PTPRD: variants seen among roughly 807,000 people sequenced by gnomAD.
PTPRD encodes receptor-type tyrosine-protein phosphatase delta.
PTPRD carries 34 observed loss-of-function variants against 214.5 expected under a neutral mutation model. The observed-to-expected ratio is 0.16, with a 90% confidence interval of 0.12 to 0.21. The LOEUF is 0.21. PTPRD is among the 10% of genes least tolerant of loss of function. The pLI, the probability that PTPRD is intolerant of heterozygous loss-of-function variation, is 1.00. For missense variants in PTPRD, 2,545 were observed against 2,398.7 expected (o/e 1.06, Z -1.27); for synonymous variants, 1,128 against 845.7 (o/e 1.33, Z -5.79).
In PTPRD at chr9:9,969,235, C is replaced by G. The variant is rs548469550; in HGVS notation, c.-471-30625G>C. 8.5e-5 allele frequency among the ~76,000 whole-genome samples: 13 copies of G among 152,166 alleles called. No individual in the cohort carries two copies. The South Asian group carries it at 2.7e-3, about 32-fold the overall frequency. On this transcript the variant is annotated intron_variant, in intron 4 of 45. Coordinates refer to ENST00000381196, the MANE Select transcript of PTPRD (RefSeq NM_002839.4). The stretch of plus-strand genomic sequence containing the variant: ...ACACATCTGAAGAAAGAGAAAAAGG[C>G]TAGGGTGGCTGCAGCACAGTCTCAG...
intron 2 of PTPRD, among the ~76,000 whole-genome samples, chr9:10,384,726 T>C (rs765807481): frequency 5.3e-5 from 8 of 150,674 alleles, no homozygotes; most frequent in Non-Finnish European, 7.4e-5. Context: ...GCATACATGA[T>C]GCAAATTTAA....
chr9:10,164,164 G>C (rs1019125519), intron 3 of PTPRD, among the ~76,000 whole-genome samples: 3 of 151,360 alleles, frequency 2.0e-5, no homozygotes, highest in Admixed American at 6.6e-5. Context: ...ATAACCTTGA[G>C]GGATTATAAA....
chr9:9,067,549 C>T (rs2099736752), intron 10 of PTPRD, among the ~76,000 whole-genome samples: 1 of 152,090 alleles, frequency 6.6e-6, no homozygotes, highest in Non-Finnish European at 1.5e-5. Context: ...TACTTATCTT[C>T]TATATATTCT....
At chr9:9,898,061 T>C (rs903293432) in intron 5 of PTPRD, among the ~76,000 whole-genome samples, 1 of 152,244 alleles carries the variant, frequency 6.6e-6, no homozygotes, top group East Asian at 1.9e-4. Flanking sequence ...AATTATGTAA[T>C]AGTAAGAATA....
chr9:9,604,170 A>G (rs2093990073), intron 7 of PTPRD, among the ~76,000 whole-genome samples: 1 of 152,100 alleles, frequency 6.6e-6, no homozygotes, highest in African/African-American at 2.4e-5. Context: ...TAAGCCACTG[A>G]TTAAACTGTC....
chr9:8,832,836 G>A (rs1009723927), intron 11 of PTPRD, among the ~76,000 whole-genome samples: 2 of 151,866 alleles, frequency 1.3e-5, no homozygotes, highest in African/African-American at 4.8e-5. Flanking sequence ...CAGATTGCAT[G>A]AGGCTTCATT....
chr9:9,075,104 T>C (rs1473729228), intron 10 of PTPRD, among the ~76,000 whole-genome samples: 1 of 152,058 alleles, frequency 6.6e-6, no homozygotes, highest in Non-Finnish European at 1.5e-5. Context: ...TCCTATGAAA[T>C]TATTATAATT....
chr9:9,385,341 C>G (rs1205866484), intron 9 of PTPRD, among the ~76,000 whole-genome samples: 1 of 152,094 alleles, frequency 6.6e-6, no homozygotes, highest in Non-Finnish European at 1.5e-5. Context: ...CAACAGTCTT[C>G]AAAACGTGGT....
chr9:9,006,425 C>G (rs2099467477), intron 11 of PTPRD, among the ~76,000 whole-genome samples: 1 of 152,046 alleles, frequency 6.6e-6, no homozygotes, highest in Non-Finnish European at 1.5e-5. Context: ...ACAAATCATT[C>G]ATTCCCTTGG....
intron 3 of PTPRD, among the ~76,000 whole-genome samples, chr9:10,244,157 G>T (rs1223304060): frequency 1.3e-5 from 2 of 151,846 alleles, no homozygotes; most frequent in Admixed American, 6.6e-5. Flanking sequence ...TTGAGCTCTG[G>T]ATTAAAATCA....
At chr9:9,370,269 T>G (rs922920536) in intron 9 of PTPRD, among the ~76,000 whole-genome samples, 2 of 152,122 alleles carry the variant, frequency 1.3e-5, no homozygotes, top group Non-Finnish European at 2.9e-5. Context: ...CATTTGTTTG[T>G]GTCCTCTTTT....
At chr9:9,064,652 G>A (rs1054532416) in intron 10 of PTPRD, among the ~76,000 whole-genome samples, 2 of 152,162 alleles carry the variant, frequency 1.3e-5, no homozygotes, top group African/African-American at 2.4e-5. Context: ...AAAGATGACT[G>A]AGACTCCGAA....
intron 7 of PTPRD, among the ~76,000 whole-genome samples, chr9:9,601,621 ACT>A (rs1022406239): frequency 3.3e-5 from 5 of 152,052 alleles, no homozygotes; most frequent in Non-Finnish European, 5.9e-5. Context: ...CAAAATTAAC[ACT>A]CTTATTCTTA....
intron 5 of PTPRD, among the ~76,000 whole-genome samples, chr9:9,855,532 T>C (rs568563751): frequency 6.6e-6 from 1 of 152,238 alleles, no homozygotes; most frequent in South Asian, 2.1e-4. Context: ...TCCTGATCCT[T>C]TTCGTGGGAA....
At chr9:9,928,849 CTT>C (rs924808008) in intron 5 of PTPRD, among the ~76,000 whole-genome samples, 1 of 151,404 alleles carries the variant, frequency 6.6e-6, no homozygotes, top group Non-Finnish European at 1.5e-5. Context: ...AAACTTGATG[CTT>C]TGGTAAGCTA....
At chr9:9,275,099 TATA>T (rs1477856800) in intron 9 of PTPRD, among the ~76,000 whole-genome samples, 13 of 62,680 alleles carry the variant, frequency 2.1e-4, no homozygotes, top group Non-Finnish European at 3.0e-4. Context: ...ATGTTATATA[TATA>T]ATATATTATA....
rs1299737460 is a variant in PTPRD at position 9,352,325 on chromosome 9, ATATGTGTG to A, written c.-203+45116_-203+45123del. ...GCCAAAAAACCATATATATATATAT[ATATGTGTG>A]TGTGTGTGTGTGTGTGTGTGTATAT... On this transcript the variant is annotated intron_variant, in intron 9 of 45. Transcript: ENST00000381196. 3.5e-4 allele frequency among the ~76,000 whole-genome samples: 50 copies of A among 142,678 alleles called. No individual in the cohort carries two copies. The East Asian group carries it at 6.7e-3, about 19-fold the overall frequency. The allele number at this position is 142,678 out of a possible 152,430, so 93.6% of individuals were successfully genotyped here.
chr9:10,009,544 T>G (rs1166755610), intron 4 of PTPRD, among the ~76,000 whole-genome samples: 1 of 151,802 alleles, frequency 6.6e-6, no homozygotes, highest in Non-Finnish European at 1.5e-5. Context: ...AGATAAGGAG[T>G]TGTGGAGACC....
chr9:9,664,819 C>A (rs1370586722), intron 7 of PTPRD, among the ~76,000 whole-genome samples: 1 of 151,638 alleles, frequency 6.6e-6, no homozygotes, highest in East Asian at 1.9e-4. Context: ...GAGAAAGCCT[C>A]TATCCCAGAA....
Sources: allele counts gnomAD v4.1 joint callset (sites outside exome capture counted in the v4.1 genomes callset), GRCh38; gene constraint gnomAD v4.1.1; transcripts MANE v1.5; gene names NCBI Gene and HGNC (gene_info 2026-07-23, HGNC 2026-07-21).